The following PTPMT1 variants were observed in gnomAD, a reference collection of about 807,000 sequenced individuals.
PTPMT1 encodes phosphatidylglycerophosphatase and protein-tyrosine phosphatase 1.
In PTPMT1, 12 loss-of-function variants were observed where a neutral mutation model predicts 17.8. The observed-to-expected ratio is 0.67, with a 90% CI of 0.43 to 1.09. The LOEUF (loss-of-function observed/expected upper bound fraction) is 1.09. Ranked by LOEUF, PTPMT1 falls within the 50% of genes least tolerant of loss-of-function variation. The pLI, the probability that PTPMT1 is intolerant of heterozygous loss-of-function variation, is 0.00. For missense variants in PTPMT1, 262 were observed against 266.0 expected (o/e 0.99, Z 0.10); for synonymous variants, 132 against 116.8 (o/e 1.13, Z -0.84).
rs140618424 is a variant in PTPMT1, at chr11:47,573,079, C to T, written c.*1450C>T. 1.2e-5 allele frequency: 20 copies of T among 1,614,048 alleles called. No individual in the cohort carries two copies. The highest frequency in any genetic ancestry group is 1.5e-5 in the Non-Finnish European group (18 of 1,180,040). On this transcript the variant is annotated 3_prime_UTR_variant, in exon 4 of 4. Coordinates refer to ENST00000326674, the MANE Select transcript of PTPMT1 (RefSeq NM_175732.3). The surrounding 1 kb of genome is among the most constrained non-coding windows in gnomAD (Gnocchi z 4.1). ...ACATAGATGCTCCCGTTACAGCTGG[C>T]AATCTTCCAGAGGGATGGGGCAGAG...
chr11:47,567,559 CTTTTT>C (rs370022255), intron 2 of PTPMT1, among the ~76,000 whole-genome samples: 5 of 116,134 alleles, frequency 4.3e-5, no homozygotes, highest in African/African-American at 6.2e-5. Context: ...TATTTCTTTT[CTTTTT>C]TTTTTTTTTT....
In PTPMT1 at chr11:47,571,580, T is replaced by C. The variant is rs745600983; in HGVS notation, c.557T>C (p.Ile186Thr). 1.2e-6 allele frequency: 2 copies of C among 1,613,898 alleles called. No homozygotes were observed. The highest frequency in any genetic ancestry group is 3.3e-5 in the Admixed American group (2 of 59,948). ...GTTCTTAAAGAGTTCCACAAGCAGA[T>C]TACTGCACGGGCAACAAAGGATGGG... ...LDVLKEFHKQ[I>T]TARATKDGTF... The change falls in exon 4 of 4, where the codon ATT becomes ACT. Residue 186 changes from isoleucine (I) to threonine (T), a missense_variant. Physicochemically the swap from Ile to Thr is moderately conservative, Grantham distance 89. Transcript: ENST00000326674.
In PTPMT1 at chr11:47,565,892, C is replaced by T. The variant is rs374182275; in HGVS notation, c.175-14C>T. The stretch of plus-strand genomic sequence containing the variant: ...CTCCACCGTCTTTGCTGAGCCACCT[C>T]TTTGCCTCGGCAGCTGGTACAGGAC... On this transcript the variant is annotated splice_polypyrimidine_tract_variant and intron_variant, in intron 1 of 3. Transcript: ENST00000326674. 5 of 1,612,620 alleles carry T rather than the reference C, an allele frequency of 3.1e-6. No homozygotes were observed. Among genetic ancestry groups the T allele is most frequent in the South Asian group, 2.2e-5 (2 of 91,002 alleles).
rs2153793065 is a variant in PTPMT1 at position 47,569,769 on chromosome 11, G to C, written c.325G>C (p.Asp109His). 1 of 1,614,028 alleles carries C rather than the reference G, an allele frequency of 6.2e-7. No homozygotes were observed. The highest frequency in any genetic ancestry group is 1.7e-5 in the Admixed American group (1 of 59,992). Residue 109 changes from aspartate to histidine, a missense_variant, in exon 3 of 4, where the codon GAC becomes CAC. By Grantham distance (81) the Asp-to-His change is moderately conservative. Coordinates refer to ENST00000326674, the MANE Select transcript of PTPMT1 (RefSeq NM_175732.3). ...AGACATGACTGGGATCCCCACCTTG[G>C]ACAACCTCCAGAAGGGAGTCCAATT... Reference protein sequence around the residue: ...TVDMTGIPTLDNLQKGVQFAL... With the variant: ...TVDMTGIPTLHNLQKGVQFAL...
intron 2 of PTPMT1, among the ~76,000 whole-genome samples, chr11:47,567,386 A>C (rs2153792926): frequency 6.6e-6 from 1 of 151,472 alleles, no homozygotes; most frequent in Non-Finnish European, 1.5e-5. Context: ...AGCCTGGGCG[A>C]CAGAGTGAGT....
In PTPMT1 at chr11:47,569,342, C is replaced by T. The variant is rs1408483790; in HGVS notation, c.256-358C>T. ...TGGAGGTTGTGGTGAGCTGAGATCACGCCACTGTACTACAGCCTGGGCAAC... is the reference window on the plus strand; with the variant it reads ...TGGAGGTTGTGGTGAGCTGAGATCATGCCACTGTACTACAGCCTGGGCAAC... On this transcript the variant is annotated intron_variant, in intron 2 of 3. Coordinates refer to ENST00000326674, the MANE Select transcript of PTPMT1 (RefSeq NM_175732.3). Among the ~76,000 whole-genome samples the T allele has an allele frequency of 5.6e-5, 8 of 143,720 alleles. No homozygotes were observed. The Middle Eastern group carries it at 0.015, about 270-fold the overall frequency. 94.3% of individuals were successfully genotyped at this position (143,720 alleles called of 152,430 possible). A position where few individuals can be genotyped will look rare whatever the true frequency, so the allele number is the denominator to read the frequency against.
In PTPMT1 at chr11:47,571,809, G is replaced by T; in HGVS notation, c.*180G>T. The T allele has an allele frequency of 1.7e-6, 1 of 600,672 alleles. No homozygotes were observed. Among genetic ancestry groups the T allele is most frequent in the Non-Finnish European group, 2.9e-6 (1 of 342,144 alleles). The allele number at this position is 600,672 out of a possible 1,614,324, so 37.2% of individuals were successfully genotyped here. ...TTGAAATAACACTGTTGTGTGGCTA[G>T]AAAGGAAAAGATTTAGTGTGGCTTG... is the stretch of plus-strand genomic sequence containing the variant. On this transcript the variant is annotated 3_prime_UTR_variant, in exon 4 of 4. Coordinates refer to ENST00000326674, the MANE Select transcript of PTPMT1 (RefSeq NM_175732.3).
rs373138614 is a variant in PTPMT1 at position 47,571,094 on chromosome 11, A to G, written c.448-377A>G. Among the ~76,000 whole-genome samples, 118 of 152,294 alleles carry G rather than the reference A, an allele frequency of 7.7e-4. 1 individual carries two copies. Among genetic ancestry groups the G allele is most frequent in the African/African-American group, 2.6e-3 (108 of 41,574 alleles). ...GGTGACAAGTTGCATAAAAACATCTATTGCATACTCGTTCCTAGAAATTCT... is the reference window on the plus strand; with the variant it reads ...GGTGACAAGTTGCATAAAAACATCTGTTGCATACTCGTTCCTAGAAATTCT... On this transcript the variant is annotated intron_variant, in intron 3 of 3. Transcript: ENST00000326674.
chr11:47,571,951 C>G lies in PTPMT1; in HGVS notation c.*322C>G, dbSNP rs905462974. ...TATTGTGCCTAATAATATTTAGCAC[C>G]ACAACTCAAAAAACATTTAGCACTT... On this transcript the variant is annotated 3_prime_UTR_variant, in exon 4 of 4. Transcript: ENST00000326674. 3 of 177,530 alleles carry G rather than the reference C, an allele frequency of 1.7e-5. No homozygotes were observed. Among genetic ancestry groups the G allele is most frequent in the African/African-American group, 7.1e-5 (3 of 42,106 alleles). 11.0% of individuals were successfully genotyped at this position (177,530 alleles called of 1,614,324 possible).
intron 3 of PTPMT1, among the ~76,000 whole-genome samples, chr11:47,570,188 A>C (rs2097248786): frequency 4.3e-4 from 1 of 2,302 alleles, no homozygotes; most frequent in Non-Finnish European, 6.2e-3. Flanking sequence ...AACTGTCTCA[A>C]AAAAAAAAAA....
Position 47,572,933 on chromosome 11 carries a change from G to A in PTPMT1, c.*1304G>A. On this transcript the variant is annotated 3_prime_UTR_variant, in exon 4 of 4. Transcript: ENST00000326674. ...TTCTCCTCCCCTCCCCACAGCCTTA[G>A]GCCAACACAAACTGCAAATTGGTAA... The A allele has an allele frequency of 1.2e-6, 2 of 1,612,322 alleles. No individual in the cohort carries two copies. Among genetic ancestry groups the A allele is most frequent in the Non-Finnish European group, 1.7e-6 (2 of 1,178,850 alleles).
chr11:47,570,001 T>C, intron 3 of PTPMT1, 110 bp downstream of exon 3: 1 of 812,446 alleles, frequency 1.2e-6, no homozygotes, highest in Non-Finnish European at 2.0e-6. Flanking sequence ...GAGACCAGCC[T>C]GGGCAACATG....
At chr11:47,567,471 G>T (rs1412761539) in intron 2 of PTPMT1, among the ~76,000 whole-genome samples, 1 of 151,830 alleles carries the variant, frequency 6.6e-6, no homozygotes. Flanking sequence ...ATTATTAAGA[G>T]GTTAATAACA....
intron 3 of PTPMT1, 37 bp from the exon 4 acceptor site, chr11:47,571,430 CTTCT>C (rs766069030): frequency 9.4e-6 from 15 of 1,601,642 alleles, no homozygotes; most frequent in African/African-American, 1.3e-5. Context: ...TTGACACCTG[CTTCT>C]TTCTTTCTCT....
chr11:47,567,500 C>G (rs2097246710), intron 2 of PTPMT1, among the ~76,000 whole-genome samples: 1 of 151,400 alleles, frequency 6.6e-6, no homozygotes, highest in African/African-American at 2.4e-5. Flanking sequence ...TGGAGCATAT[C>G]TGAAGTCTTA....
chr11:47,566,676 G>C (rs997967419), intron 2 of PTPMT1, among the ~76,000 whole-genome samples: 13 of 152,106 alleles, frequency 8.5e-5, no homozygotes, highest in Admixed American at 8.5e-4. Context: ...CATTCCCAGT[G>C]TTAGGGATTC....
At chr11:47,569,650 C>T in intron 2 of PTPMT1, 50 bp from the exon 3 acceptor site, 1 of 1,480,614 alleles carries the variant, frequency 6.8e-7, no homozygotes, top group African/African-American at 1.4e-5. Flanking sequence ...TCATCCCACC[C>T]ACATAGTTTT....
chr11:47,571,101 A>G (rs2097249384), intron 3 of PTPMT1, among the ~76,000 whole-genome samples: 1 of 152,116 alleles, frequency 6.6e-6, no homozygotes, highest in Non-Finnish European at 1.5e-5. Flanking sequence ...TCTATTGCAT[A>G]CTCGTTCCTA....
intron 2 of PTPMT1, 86 bp downstream of exon 2, chr11:47,566,072 G>A (rs2097243587): frequency 7.1e-7 from 1 of 1,416,326 alleles, no homozygotes; most frequent in Non-Finnish European, 9.3e-7. Context: ...AGAAGTGTGG[G>A]GGAGGTCACC....
Sources: gnomAD v4.1 joint callset for allele counts (sites outside exome capture counted in the v4.1 genomes callset) on GRCh38, gnomAD v4.1.1 for gene constraint, Gnocchi (gnomAD v3.1) non-coding constraint, MANE v1.5 for transcripts, NCBI Gene and HGNC (gene_info 2026-07-23, HGNC 2026-07-21) for gene names.